Variants in RBM6 observed in about 807,000 individuals in gnomAD.
RBM6 encodes RNA-binding protein 6.
In RBM6, 23 loss-of-function variants were observed where a neutral mutation model predicts 140.4. The ratio of observed to expected loss-of-function variants is 0.16; its 90% CI spans 0.12 to 0.23. The LOEUF is 0.23. Ranked by LOEUF, RBM6 falls within the 10% of genes least tolerant of loss-of-function variation. The pLI, the probability that RBM6 is intolerant of heterozygous loss-of-function variation, is 1.00. For synonymous variants in RBM6, 439 were observed against 475.6 expected (o/e 0.92, Z 1.00); for missense variants, 1,139 against 1,386.7 (o/e 0.82, Z 2.84).
In RBM6 at chr3:50,065,124, C is replaced by T; in HGVS notation, c.2680C>T (p.Pro894Ser). 1 of 1,605,152 alleles carries T rather than the reference C, an allele frequency of 6.2e-7. No individual in the cohort carries two copies. The highest frequency in any genetic ancestry group is 2.2e-5 in the East Asian group (1 of 44,786). The change falls in exon 16 of 21, where the codon CCA becomes TCA. Residue 894 changes from proline (P) to serine (S), a missense_variant and splice_region_variant. Physicochemically the swap from Pro to Ser is moderately conservative, Grantham distance 74 (BLOSUM62 -1). This residue lies in a region of RBM6 where 163 missense variants were observed against 182.8 expected (regional missense o/e 0.89). Transcript: ENST00000266022. Reference protein sequence around the residue: ...PTVKKEESPPPPKVVNPLIGL... With the variant: ...PTVKKEESPPSPKVVNPLIGL... Reference sequence around the variant, plus strand: ...TGTGAAGAAGGAAGAGAGTCCCCCTCCAGTAAGACCAACATTGATCCCCTG... The same window carrying T: ...TGTGAAGAAGGAAGAGAGTCCCCCTTCAGTAAGACCAACATTGATCCCCTG...
chr3:50,070,457 A>G lies in RBM6; in HGVS notation c.3021A>G (p.Gly1007=), dbSNP rs2090265690. The G allele has an allele frequency of 5.6e-6, 9 of 1,613,394 alleles. No individual in the cohort carries two copies. In the African/African-American group the frequency reaches 1.1e-4, roughly 19 times the overall value. Residue 1007 remains glycine, a splice_region_variant and synonymous_variant, in exon 19 of 21, where the codon GGA becomes GGG. Coordinates refer to ENST00000266022, the MANE Select transcript of RBM6 (RefSeq NM_005777.3). ...TCTGCTCTTCTGCTTACCAACAGGG[A>G]AAGTTTAAAGGAAGAGGAAATGATC... is the stretch of plus-strand genomic sequence containing the variant. ...LAYLERRERE[G]KFKGRGNDRR...
rs529224281 is a variant in RBM6, at chr3:50,031,742, A to G, written c.1558-16503A>G. On this transcript the variant is annotated intron_variant, in intron 6 of 20. Transcript: ENST00000266022. ...ACTTAAAGTATAAAAAAAAAGACCTACTATTTGATACCACAATAGGGTGAG... is the reference window on the plus strand; with the variant it reads ...ACTTAAAGTATAAAAAAAAAGACCTGCTATTTGATACCACAATAGGGTGAG... 5.3e-5 allele frequency among the ~76,000 whole-genome samples: 8 copies of G among 152,290 alleles called. No individual in the cohort carries two copies. In the East Asian group the frequency reaches 1.5e-3, roughly 29 times the overall value.
At chr3:49,984,315 T>C (rs2108681562) in intron 5 of RBM6, among the ~76,000 whole-genome samples, 1 of 151,644 alleles carries the variant, frequency 6.6e-6, no homozygotes, top group Non-Finnish European at 1.5e-5. Flanking sequence ...AAAAATAAAA[T>C]GGTGAATGTA....
At chr3:49,975,703 G>A (rs1285012110) in intron 5 of RBM6, among the ~76,000 whole-genome samples, 1 of 152,108 alleles carries the variant, frequency 6.6e-6, no homozygotes, top group African/African-American at 2.4e-5. Context: ...TCATGGTGGT[G>A]GAATGTTTAT....
At chr3:49,957,718 A>G (rs1469904399) in intron 1 of RBM6, among the ~76,000 whole-genome samples, 1 of 152,084 alleles carries the variant, frequency 6.6e-6, no homozygotes, top group East Asian at 1.9e-4. Context: ...ATAATTTTTT[A>G]TGCATCTGTC....
At position 49,972,147 on chromosome 3, in the gene RBM6, A is replaced by G. The variant is rs1194226405; in HGVS notation, c.1412A>G (p.Glu471Gly). Residue 471 changes from glutamate (E) to glycine (G), a missense_variant and splice_region_variant, in exon 4 of 21, where the codon GAG becomes GGG. Glu to Gly is a moderately conservative substitution (Grantham distance 98). Around this residue, in one of 9 missense-constraint regions of RBM6, gnomAD observed 566 missense variants for 612.7 expected, o/e 0.92. Coordinates refer to ENST00000266022, the MANE Select transcript of RBM6 (RefSeq NM_005777.3). ...SGVPEDATKEEILNAFRTPDG... is the reference protein window; with the variant it reads ...SGVPEDATKEGILNAFRTPDG... ...GTACCTGAAGATGCCACAAAAGAAG[A>G]GGTAAGGCATGTCTTCTCTCCTGTT... is the stretch of plus-strand genomic sequence containing the variant. 6.2e-7 allele frequency: 1 copy of G among 1,604,142 alleles called. No individual in the cohort carries two copies. Among genetic ancestry groups the G allele is most frequent in the Non-Finnish European group, 8.5e-7 (1 of 1,172,152 alleles).
At position 50,048,098 on chromosome 3, in the gene RBM6, A is replaced by C. The variant is rs978589587; in HGVS notation, c.1558-147A>C. ...TAACACTGCCCCAGGTCTGTGGCTT[A>C]AAACAGCCATTTCCTTTCACCAGTG... On this transcript the variant is annotated intron_variant, in intron 6 of 20. Transcript: ENST00000266022. The C allele has an allele frequency of 1.2e-5, 17 of 1,441,648 alleles. No individual in the cohort carries two copies. The African/African-American group carries it at 2.5e-4, about 21-fold the overall frequency. The allele number at this position is 1,441,648 out of a possible 1,614,324, so 89.3% of individuals were successfully genotyped here. A position where few individuals can be genotyped will look rare whatever the true frequency, so the allele number is the denominator to read the frequency against.
intron 4 of RBM6, among the ~76,000 whole-genome samples, chr3:49,974,661 C>T (rs1394380737): frequency 1.1e-4 from 16 of 142,806 alleles, no homozygotes; most frequent in Admixed American, 3.7e-4. Context: ...CGTGAGCCAC[C>T]GTGCCCGGCC....
intron 1 of RBM6, among the ~76,000 whole-genome samples, chr3:49,954,853 G>A (rs1385544926): frequency 2.6e-5 from 4 of 151,640 alleles, no homozygotes; most frequent in Admixed American, 2.6e-4. Flanking sequence ...CCGCCTCCCA[G>A]GTTCACACCA....
chr3:49,982,055 A>T (rs2085327298), intron 5 of RBM6, among the ~76,000 whole-genome samples: 1 of 152,164 alleles, frequency 6.6e-6, no homozygotes, highest in Non-Finnish European at 1.5e-5. Flanking sequence ...AGGTGGTGTT[A>T]GTAGGAAGAA....
intron 8 of RBM6, among the ~76,000 whole-genome samples, chr3:50,057,445 G>A (rs894732106): frequency 2.6e-5 from 4 of 151,968 alleles, no homozygotes; most frequent in Non-Finnish European, 5.9e-5. Flanking sequence ...AAAATTACCT[G>A]GGCGTGGTGG....
chr3:49,969,069 GGCTAGAGT>G (rs2084654065), intron 3 of RBM6, among the ~76,000 whole-genome samples: 1 of 150,454 alleles, frequency 6.6e-6, no homozygotes, highest in Non-Finnish European at 1.5e-5. Flanking sequence ...CTGTCACCCA[GGCTAGAGT>G]GCAGTGACAT....
At chr3:50,036,571 G>A (rs2088550596) in intron 6 of RBM6, among the ~76,000 whole-genome samples, 3 of 151,968 alleles carry the variant, frequency 2.0e-5, no homozygotes, top group African/African-American at 4.8e-5. Context: ...TAGCAGCCAT[G>A]ATATTATAGC....
At chr3:50,047,621 C>T (rs1028617396) in intron 6 of RBM6, among the ~76,000 whole-genome samples, 9 of 152,018 alleles carry the variant, frequency 5.9e-5, no homozygotes, top group African/African-American at 1.7e-4. Context: ...AGAGTGATAC[C>T]GCCGCCGCCG....
intron 1 of RBM6, among the ~76,000 whole-genome samples, chr3:49,945,698 C>T (rs1183899993): frequency 3.3e-5 from 5 of 151,708 alleles, no homozygotes; most frequent in African/African-American, 4.8e-5. Context: ...CTGGCCAACA[C>T]GGTGAAACCC....
At chr3:50,063,037 G>A (rs759263067) in intron 15 of RBM6, among the ~76,000 whole-genome samples, 13 of 151,772 alleles carry the variant, frequency 8.6e-5, no homozygotes, top group Non-Finnish European at 1.6e-4. Flanking sequence ...GGGACTACAG[G>A]CATGAGCCAC....
intron 14 of RBM6, 118 bp downstream of exon 14, chr3:50,061,665 C>A: frequency 6.8e-7 from 1 of 1,480,668 alleles, no homozygotes. Context: ...TCTGGATGCT[C>A]ATTGCATGAA....
chr3:49,988,172 T>G (rs958001465), intron 5 of RBM6, among the ~76,000 whole-genome samples: 11 of 152,138 alleles, frequency 7.2e-5, no homozygotes, highest in South Asian at 2.1e-4. Context: ...TGAGACAGGG[T>G]CTTACTCTGT....
intron 6 of RBM6, among the ~76,000 whole-genome samples, chr3:50,007,482 C>A (rs1467445907): frequency 1.3e-5 from 2 of 151,816 alleles, no homozygotes; most frequent in African/African-American, 4.8e-5. Flanking sequence ...CTACCATGTC[C>A]GGCCCTTAGT....
Sources: gnomAD v4.1 joint callset for allele counts (sites outside exome capture counted in the v4.1 genomes callset) on GRCh38, gnomAD v4.1.1 for gene constraint, gnomAD v4.1.1 regional missense constraint, MANE v1.5 for transcripts, NCBI Gene and HGNC (gene_info 2026-07-23, HGNC 2026-07-21) for gene names.